The following MEIS2 variants were observed in gnomAD, a reference collection of about 807,000 sequenced individuals.
MEIS2 encodes the protein homeobox protein Meis2.
Under a neutral mutation model 58.6 loss-of-function variants are expected in MEIS2, and 9 were observed. The observed-to-expected ratio is 0.15, with a 90% CI of 0.09 to 0.27. The LOEUF is 0.27. Among genes scored for constraint, MEIS2 ranks in the 10% least tolerant of loss-of-function variants. The pLI, the probability that MEIS2 is intolerant of heterozygous loss-of-function variation, is 1.00. For missense variants in MEIS2, 427 were observed against 635.0 expected, an observed-to-expected ratio of 0.67 and a Z score of 3.52; for synonymous variants, 221 against 228.4, an observed-to-expected ratio of 0.97 and a Z score of 0.29.
chr15:36,922,903 A>T lies in MEIS2; in HGVS notation c.978-26217T>A, dbSNP rs199579344. On this transcript the variant is annotated intron_variant, in intron 9 of 11. Coordinates refer to ENST00000561208, the MANE Select transcript of MEIS2 (RefSeq NM_170675.5). ...AGTGTTGGGATTGCAGGCATGAGCC[A>T]CCGCTCCCGGCCAAACATAGTATAA... 7.2e-5 allele frequency among the ~76,000 whole-genome samples: 11 copies of T among 151,940 alleles called. No homozygotes were observed. The East Asian group carries it at 1.9e-3, about 27-fold the overall frequency.
intron 11 of MEIS2, among the ~76,000 whole-genome samples, chr15:36,894,242 T>A (rs2056045437): frequency 6.6e-6 from 1 of 152,196 alleles, no homozygotes; most frequent in Admixed American, 6.5e-5. Flanking sequence ...AGACTAGGCA[T>A]AATGAACTGC....
intron 7 of MEIS2, among the ~76,000 whole-genome samples, chr15:37,065,023 TATC>T (rs1889729119): frequency 6.6e-6 from 1 of 152,196 alleles, no homozygotes; most frequent in Non-Finnish European, 1.5e-5. Flanking sequence ...TATGCTGAAA[TATC>T]ATTCTCATTC....
At chr15:37,095,919 G>T (rs1029799681) in intron 3 of MEIS2, 4 of 477,022 alleles carry the variant, frequency 8.4e-6, no homozygotes, top group Non-Finnish European at 1.5e-5. Flanking sequence ...TGCTGCCTGG[G>T]ACCGCTCGGA....
chr15:36,949,907 C>T lies in MEIS2; in HGVS notation c.977+417G>A, dbSNP rs149140638. ...ACTAAAAAGCCTGTATCTACATCACCGCTCAAAGCCAAGACAAAAGAATCC... is the reference window on the plus strand; with the variant it reads ...ACTAAAAAGCCTGTATCTACATCACTGCTCAAAGCCAAGACAAAAGAATCC... On this transcript the variant is annotated intron_variant, in intron 9 of 11. Coordinates refer to ENST00000561208, the MANE Select transcript of MEIS2 (RefSeq NM_170675.5). 4.6e-5 allele frequency among the ~76,000 whole-genome samples: 7 copies of T among 151,982 alleles called. No homozygotes were observed. The East Asian group carries it at 9.7e-4, about 21-fold the overall frequency.
chr15:37,093,905 A>G, intron 5 of MEIS2, 175 bp from the exon 6 acceptor site: 1 of 720,824 alleles, frequency 1.4e-6, no homozygotes, highest in South Asian at 2.0e-5. Flanking sequence ...CAAGGAAACA[A>G]TAGAGTAATT....
At chr15:37,043,933 A>G (rs1488155529) in intron 7 of MEIS2, among the ~76,000 whole-genome samples, 7 of 151,874 alleles carry the variant, frequency 4.6e-5, no homozygotes, top group South Asian at 2.1e-4. Context: ...TGATCTGCCC[A>G]CCTCGGCCTC....
In MEIS2 at chr15:37,083,676, C is replaced by G. The variant is rs566495240; in HGVS notation, c.754+95G>C. 3 of 929,344 alleles carry G rather than the reference C, an allele frequency of 3.2e-6. No homozygotes were observed. In the Admixed American group the frequency reaches 7.0e-5, roughly 22 times the overall value. 57.6% of individuals were successfully genotyped at this position (929,344 alleles called of 1,614,324 possible). On this transcript the variant is annotated intron_variant, in intron 7 of 11. Coordinates refer to ENST00000561208, the MANE Select transcript of MEIS2 (RefSeq NM_170675.5). ...ATTCTACTCCCTAACCTGCCACTCT[C>G]CTGTTTACATGGCGGCAGATGTACT...
At chr15:37,049,998 G>A (rs1325314276) in intron 7 of MEIS2, among the ~76,000 whole-genome samples, 1 of 152,074 alleles carries the variant, frequency 6.6e-6, no homozygotes, top group African/African-American at 2.4e-5. Context: ...TAGATATTAT[G>A]CTGCTTATAT....
At chr15:37,039,208 T>C (rs1291990006) in intron 7 of MEIS2, among the ~76,000 whole-genome samples, 1 of 152,204 alleles carries the variant, frequency 6.6e-6, no homozygotes, top group Non-Finnish European at 1.5e-5. Context: ...AAAGATATCT[T>C]TGTGTGTAAT....
At chr15:37,033,001 A>T (rs532360402) in intron 8 of MEIS2, among the ~76,000 whole-genome samples, 6 of 152,118 alleles carry the variant, frequency 3.9e-5, no homozygotes, top group Non-Finnish European at 8.8e-5. Flanking sequence ...TGGTGGTGCA[A>T]AGGAATTTGA....
chr15:37,049,487 T>C (rs2062816978), intron 7 of MEIS2, among the ~76,000 whole-genome samples: 1 of 151,924 alleles, frequency 6.6e-6, no homozygotes, highest in Admixed American at 6.6e-5. Flanking sequence ...GTTTTTGTTT[T>C]TGTTTTTGTT....
intron 7 of MEIS2, among the ~76,000 whole-genome samples, chr15:37,058,826 T>TTCC (rs774396375): frequency 1.3e-5 from 2 of 152,228 alleles, no homozygotes; most frequent in Non-Finnish European, 2.9e-5. Flanking sequence ...ACATGTTGAT[T>TTCC]TCCTGCATTT....
Position 37,083,805 on chromosome 15 carries a change from A to C in MEIS2, c.720T>G (p.His240Gln), listed in dbSNP as rs761760302. Residue 240 changes from histidine to glutamine, a missense_variant, in exon 7 of 12, where the codon CAT becomes CAG. His to Gln is a conservative substitution (Grantham distance 24, BLOSUM62 0). Coordinates refer to ENST00000561208, the MANE Select transcript of MEIS2 (RefSeq NM_170675.5). ...AGTPGPSSGG[H>Q]ASQSGDNSSE... ...TGCTGTTGTCTCCGCTCTGGGAAGC[A>C]TGGCCCCCACTGGAGGGCCCTGGGG... The C allele has an allele frequency of 6.2e-7, 1 of 1,614,070 alleles. No homozygotes were observed. Among genetic ancestry groups the C allele is most frequent in the South Asian group, 1.1e-5 (1 of 91,070 alleles).
chr15:37,078,540 A>T (rs1185608314), intron 7 of MEIS2, among the ~76,000 whole-genome samples: 2 of 150,478 alleles, frequency 1.3e-5, no homozygotes, highest in Non-Finnish European at 3.0e-5. Context: ...AAAAAATCTA[A>T]ATAATGAAAA....
rs140248212 is a variant in MEIS2, at chr15:36,905,231, T to C, written c.978-8545A>G. ...ACCAATTCTAGGATATTTAGACATA[T>C]TACTGCATAGATCAAAGACAGGAAT... On this transcript the variant is annotated intron_variant, in intron 9 of 11. Transcript: ENST00000561208. Among the ~76,000 whole-genome samples the C allele has an allele frequency of 2.7e-3, 410 of 152,088 alleles. 2 individuals are homozygous for C. Among genetic ancestry groups the C allele is most frequent in the African/African-American group, 9.4e-3 (391 of 41,488 alleles).
At chr15:37,087,124 C>T (rs1022389393) in intron 6 of MEIS2, among the ~76,000 whole-genome samples, 3 of 152,188 alleles carry the variant, frequency 2.0e-5, no homozygotes, top group South Asian at 2.1e-4. Context: ...GAGAAACGCT[C>T]GCCGGGTGCC....
intron 7 of MEIS2, among the ~76,000 whole-genome samples, chr15:37,050,384 T>A (rs933991677): frequency 2.0e-5 from 3 of 152,246 alleles, no homozygotes; most frequent in African/African-American, 2.4e-5. Context: ...AATATGCTTT[T>A]ATGCCTTGTG....
Position 37,094,589 on chromosome 15 carries a change from G to T in MEIS2, c.439-12C>A. 6.2e-7 allele frequency: 1 copy of T among 1,610,518 alleles called. No individual in the cohort carries two copies. The highest frequency in any genetic ancestry group is 8.5e-7 in the Non-Finnish European group (1 of 1,178,386). On this transcript the variant is annotated splice_polypyrimidine_tract_variant and intron_variant, in intron 4 of 11. Transcript: ENST00000561208. ...ATTGCTTGTATCATCTGAAAGAAAA[G>T]TTCAGGGAATGGAGTTAGAGCTCTG...
chr15:37,092,266 A>C (rs1893616296), intron 6 of MEIS2, among the ~76,000 whole-genome samples: 1 of 152,210 alleles, frequency 6.6e-6, no homozygotes, highest in African/African-American at 2.4e-5. Context: ...GGCTTCCCAT[A>C]CAAGTGCAAA....
Sources: gnomAD v4.1 joint callset for allele counts (sites outside exome capture counted in the v4.1 genomes callset) on GRCh38, gnomAD v4.1.1 for gene constraint, MANE v1.5 for transcripts, NCBI Gene and HGNC (gene_info 2026-07-23, HGNC 2026-07-21) for gene names.